ATP2B2: variants seen among roughly 807,000 people sequenced by gnomAD.
ATP2B2 encodes the protein ATPase plasma membrane Ca2+ transporting 2, also known as plasma membrane calcium-transporting ATPase 2.
Under a neutral mutation model 120.0 loss-of-function variants are expected in ATP2B2, and 15 were observed. That is an observed-to-expected ratio of 0.12 (90% CI 0.08 to 0.19). ATP2B2 has a LOEUF of 0.19. Ranked by LOEUF, ATP2B2 falls within the 10% of genes least tolerant of loss-of-function variation. The pLI, the probability that ATP2B2 is intolerant of heterozygous loss-of-function variation, is 1.00. For missense variants in ATP2B2, 1,045 were observed against 1,719.8 expected (o/e 0.61, Z 6.94); for synonymous variants, 694 against 700.3 (o/e 0.99, Z 0.14).
At chr3:10,652,826 T>C (rs965018863) in intron 1 of ATP2B2, among the ~76,000 whole-genome samples, 1 of 152,112 alleles carries the variant, frequency 6.6e-6, no homozygotes, top group Non-Finnish European at 1.5e-5. Context: ...TTATGCTGAG[T>C]GAAATAAGCC....
At chr3:10,676,524 C>CCACA (rs150121114) in intron 1 of ATP2B2, among the ~76,000 whole-genome samples, 3,787 of 149,196 alleles carry the variant, frequency 0.025, 71 homozygotes, top group South Asian at 0.087. Flanking sequence ...AGGGACAGAA[C>CCACA]CACACACACA....
chr3:10,328,938 G>C lies in ATP2B2; in HGVS notation c.3608C>G (p.Pro1203Arg). 1 of 1,613,922 alleles carries C rather than the reference G, an allele frequency of 6.2e-7. No individual in the cohort carries two copies. The highest frequency in any genetic ancestry group is 8.5e-7 in the Non-Finnish European group (1 of 1,180,006). Residue 1203 changes from proline to arginine, a missense_variant, in exon 23 of 23, where the codon CCG (proline) becomes CGG (arginine). Physicochemically the swap from Pro to Arg is moderately radical, Grantham distance 103 (BLOSUM62 -2). Around this residue, in one of 11 missense-constraint regions of ATP2B2, gnomAD observed 211 missense variants for 385.1 expected, o/e 0.55. Transcript: ENST00000360273. ...GCTGTTGTTCTTGTTGAGGGATGAC[G>C]GCGGGCTCGAGTTCTGCTTGAGCGC... The part of the protein sequence containing the change: ...DAALKQNSSP[P>R]SSLNKNNSAI...
chr3:10,685,992 C>T (rs1259040451), intron 1 of ATP2B2, among the ~76,000 whole-genome samples: 2 of 150,276 alleles, frequency 1.3e-5, no homozygotes, highest in African/African-American at 4.9e-5. Flanking sequence ...CTGCAAAATG[C>T]TTATTCCAGC....
At chr3:10,633,001 C>T (rs917952702) in intron 1 of ATP2B2, among the ~76,000 whole-genome samples, 2 of 152,254 alleles carry the variant, frequency 1.3e-5, no homozygotes, top group African/African-American at 4.8e-5. Context: ...TGACCAGGCC[C>T]TCAGACAGCC....
intron 1 of ATP2B2, among the ~76,000 whole-genome samples, chr3:10,668,777 A>C (rs2071015811): frequency 6.6e-6 from 1 of 152,120 alleles, no homozygotes; most frequent in African/African-American, 2.4e-5. Flanking sequence ...ATGAGAATTT[A>C]CCCAGCTCAG....
intron 7 of ATP2B2, among the ~76,000 whole-genome samples, chr3:10,386,059 G>A (rs1052383790): frequency 6.6e-6 from 1 of 152,376 alleles, no homozygotes; most frequent in African/African-American, 2.4e-5. Context: ...CTTGTGGGTA[G>A]GGAATAGTGT....
At chr3:10,410,573 T>C (rs777422415) in intron 3 of ATP2B2, 45 bp downstream of exon 3, 1 of 1,546,396 alleles carries the variant, frequency 6.5e-7, no homozygotes, top group Non-Finnish European at 8.8e-7. Flanking sequence ...GTGGATGCGG[T>C]GGCCAGGTGT....
upstream of ATP2B2, chr3:10,505,802 G>T (rs903722108): frequency 1.3e-5 from 2 of 148,350 alleles, no homozygotes; most frequent in African/African-American, 2.5e-5. Flanking sequence ...GGGGGCGGGG[G>T]GGGTGTGTGG....
rs867544741 is a variant in ATP2B2, at chr3:10,488,232, C to T, written c.-320+17233G>A. Among the ~76,000 whole-genome samples, 150 of 94,882 alleles carry T rather than the reference C, an allele frequency of 1.6e-3. 1 individual carries two copies. The highest frequency in any genetic ancestry group is 4.5e-3 in the African/African-American group (110 of 24,706). 62.2% of individuals were successfully genotyped at this position (94,882 alleles called of 152,430 possible). Reference sequence around the variant, plus strand: ...ATCCATCCATCCATCCACTCATCCACCTATCCATCCATCCATCCATCCATC... The same window carrying T: ...ATCCATCCATCCATCCACTCATCCATCTATCCATCCATCCATCCATCCATC... On this transcript the variant is annotated intron_variant, in intron 1 of 22. Coordinates refer to ENST00000360273, the MANE Select transcript of ATP2B2 (RefSeq NM_001001331.4).
intron 2 of ATP2B2, among the ~76,000 whole-genome samples, chr3:10,591,163 G>A (rs887920083): frequency 5.3e-5 from 8 of 152,030 alleles, no homozygotes; most frequent in Admixed American, 1.3e-4. Flanking sequence ...CCCAGTAGAC[G>A]TCCCTGAGGC....
intron 2 of ATP2B2, among the ~76,000 whole-genome samples, chr3:10,565,027 A>T (rs192855651): frequency 1.6e-4 from 24 of 152,256 alleles, no homozygotes; most frequent in Admixed American, 1.6e-3. Context: ...ACTTGACTTA[A>T]AACACTGGGG....
At chr3:10,424,064 C>G (rs1239358092) in intron 2 of ATP2B2, among the ~76,000 whole-genome samples, 1 of 152,188 alleles carries the variant, frequency 6.6e-6, no homozygotes, top group Non-Finnish European at 1.5e-5. Context: ...GATGCAGGAC[C>G]AATGCCCCTC....
chr3:10,386,411 C>T, intron 7 of ATP2B2, 69 bp downstream of exon 7: 3 of 1,549,846 alleles, frequency 1.9e-6, no homozygotes, highest in Non-Finnish European at 2.7e-6. Flanking sequence ...GGTCTAGGGG[C>T]AGGGCCCAAT....
rs191387574 is a variant in ATP2B2 at position 10,696,951 on chromosome 3, A to T, written c.-460+10964T>A. ...ATAGTAAGAATAGCTCCATTATTAAATTTTTATGATATGCTTGGTACTGGA... is the reference window on the plus strand; with the variant it reads ...ATAGTAAGAATAGCTCCATTATTAATTTTTTATGATATGCTTGGTACTGGA... On this transcript the variant is annotated intron_variant, in intron 1 of 21. Coordinates refer to the ATP2B2 transcript ENST00000646379. 3.5e-3 allele frequency among the ~76,000 whole-genome samples: 529 copies of T among 152,328 alleles called. 11 individuals are homozygous for T. In the South Asian group the frequency reaches 0.044, roughly 13 times the overall value.
chr3:10,602,257 C>A (rs527431538), intron 2 of ATP2B2, among the ~76,000 whole-genome samples: 1 of 152,234 alleles, frequency 6.6e-6, no homozygotes, highest in Non-Finnish European at 1.5e-5. Flanking sequence ...CTCTTCACCC[C>A]CTTTTTTCTC....
At chr3:10,527,968 AG>A (rs1458111891) in intron 3 of ATP2B2, among the ~76,000 whole-genome samples, 1 of 139,202 alleles carries the variant, frequency 7.2e-6, no homozygotes, top group African/African-American at 2.6e-5. Flanking sequence ...TGGGGTGGGG[AG>A]GGGCAGGGGA....
chr3:10,389,219 A>G (rs1050357796), intron 5 of ATP2B2, among the ~76,000 whole-genome samples: 3 of 151,942 alleles, frequency 2.0e-5, no homozygotes, highest in African/African-American at 7.3e-5. Context: ...GGATGGCTCT[A>G]CTTTTATTTG....
intron 1 of ATP2B2, among the ~76,000 whole-genome samples, chr3:10,634,033 C>A (rs530717172): frequency 3.3e-5 from 5 of 152,310 alleles, no homozygotes; most frequent in African/African-American, 1.2e-4. Context: ...AAGGAGAACC[C>A]TTCTTCCTTG....
chr3:10,677,179 GA>G (rs2071268107), intron 1 of ATP2B2, among the ~76,000 whole-genome samples: 1 of 152,214 alleles, frequency 6.6e-6, no homozygotes, highest in African/African-American at 2.4e-5. Flanking sequence ...TCCAGTAGGT[GA>G]ATGGATAAAC....
Sources: allele counts gnomAD v4.1 joint callset (sites outside exome capture counted in the v4.1 genomes callset), GRCh38; gene constraint gnomAD v4.1.1; regional missense constraint gnomAD v4.1.1; transcripts MANE v1.5; gene names NCBI Gene and HGNC (gene_info 2026-07-23, HGNC 2026-07-21).